Variants in SLC2A13 observed in about 807,000 individuals in gnomAD.
The protein encoded by SLC2A13 is proton myo-inositol cotransporter.
SLC2A13 carries 32 observed loss-of-function variants against 64.4 expected under a neutral mutation model. The observed-to-expected ratio is 0.50, with a 90% CI of 0.37 to 0.67. The LOEUF (loss-of-function observed/expected upper bound fraction) is 0.67. Among genes scored for constraint, SLC2A13 ranks in the 30% least tolerant of loss-of-function variants. SLC2A13 has a pLI of 0.00. For missense variants in SLC2A13, 743 were observed against 829.2 expected (o/e 0.90, Z 1.28); for synonymous variants, 338 against 327.1 (o/e 1.03, Z -0.36).
intron 1 of SLC2A13, among the ~76,000 whole-genome samples, chr12:40,065,014 G>A (rs914368735): frequency 1.3e-4 from 19 of 151,930 alleles, no homozygotes; most frequent in African/African-American, 3.1e-4. Flanking sequence ...TTTCTAATTC[G>A]TTCAGCAAAT....
At chr12:39,874,547 G>A (rs1047900842) in intron 4 of SLC2A13, among the ~76,000 whole-genome samples, 7 of 147,086 alleles carry the variant, frequency 4.8e-5, no homozygotes, top group Non-Finnish European at 8.9e-5. Flanking sequence ...CCTGGGAGGC[G>A]AAGATTGCAG....
chr12:40,074,165 CA>C (rs1428862436), intron 1 of SLC2A13, among the ~76,000 whole-genome samples: 19 of 90,572 alleles, frequency 2.1e-4, no homozygotes, highest in East Asian at 7.3e-4. Flanking sequence ...CCATCAAAGA[CA>C]TTTTTTTTTT....
chr12:40,064,308 C>A (rs146485054), intron 1 of SLC2A13, among the ~76,000 whole-genome samples: 1 of 152,016 alleles, frequency 6.6e-6, no homozygotes, highest in Admixed American at 6.6e-5. Context: ...TGTATACTCA[C>A]GCATACATAC....
chr12:39,999,159 T>C (rs1228502277), intron 3 of SLC2A13, among the ~76,000 whole-genome samples: 5 of 152,216 alleles, frequency 3.3e-5, no homozygotes, highest in African/African-American at 1.2e-4. Flanking sequence ...AGGGCCACTA[T>C]GATAATTGTG....
intron 1 of SLC2A13, among the ~76,000 whole-genome samples, chr12:40,093,166 A>T (rs1938824026): frequency 6.6e-6 from 1 of 152,228 alleles, no homozygotes. Context: ...AAACAATGTT[A>T]GACTTCAAAG....
chr12:39,924,386 T>C (rs117147133), intron 4 of SLC2A13, among the ~76,000 whole-genome samples: 2,874 of 152,290 alleles, frequency 0.019, 32 homozygotes, highest in Non-Finnish European at 0.031. Context: ...GTATCTACTA[T>C]TTATCTGCTG....
intron 7 of SLC2A13, chr12:39,802,131 G>A (rs546001445): frequency 1.2e-4 from 18 of 152,372 alleles, no homozygotes; most frequent in African/African-American, 3.8e-4. Context: ...TTTCATGGGT[G>A]TGTAATCTTT....
intron 2 of SLC2A13, among the ~76,000 whole-genome samples, chr12:40,042,698 G>A (rs1209895310): frequency 1.3e-5 from 2 of 151,964 alleles, no homozygotes; most frequent in South Asian, 2.1e-4. Flanking sequence ...TATGTTCTGC[G>A]CCCTTCCTAG....
At position 39,755,322 on chromosome 12, in the gene SLC2A13, A is replaced by AT; in HGVS notation, c.*4703_*4704insA. On this transcript the variant is annotated 3_prime_UTR_variant, in exon 10 of 10. Transcript: ENST00000280871. ...AATTTGCCAAGACATCTGAAGTATT[A>AT]AATACTATATAACATGCACTCAGAA... 6.6e-6 allele frequency: 1 copy of AT among 152,236 alleles called. No homozygotes were observed. The highest frequency in any genetic ancestry group is 3.4e-3 in the Middle Eastern group (1 of 294). The allele number at this position is 152,236 out of a possible 1,614,324, so 9.4% of individuals were successfully genotyped here.
chr12:40,020,944 A>T (rs1018427929), intron 3 of SLC2A13, among the ~76,000 whole-genome samples: 8 of 151,762 alleles, frequency 5.3e-5, no homozygotes, highest in Non-Finnish European at 1.2e-4. Flanking sequence ...ATTCCATTTA[A>T]TCGTATTAAA....
intron 2 of SLC2A13, among the ~76,000 whole-genome samples, chr12:40,044,445 T>C (rs1404287767): frequency 1.3e-5 from 2 of 152,174 alleles, no homozygotes; most frequent in East Asian, 3.8e-4. Context: ...GATTGTACAA[T>C]TTAAATGGAT....
At chr12:39,880,264 C>T (rs1193264178) in intron 4 of SLC2A13, among the ~76,000 whole-genome samples, 1 of 152,068 alleles carries the variant, frequency 6.6e-6, no homozygotes, top group African/African-American at 2.4e-5. Flanking sequence ...GCAAGAATGG[C>T]CTAATCATCA....
At chr12:39,908,512 A>T (rs1485369139) in intron 4 of SLC2A13, among the ~76,000 whole-genome samples, 1 of 151,900 alleles carries the variant, frequency 6.6e-6, no homozygotes, top group Non-Finnish European at 1.5e-5. Flanking sequence ...CTGGAGCTGA[A>T]GCAATAGATT....
At position 40,105,260 on chromosome 12, in the gene SLC2A13, G is replaced by A. The variant is rs200778835; in HGVS notation, c.549C>T (p.Leu183=). Residue 183 remains leucine (L), a synonymous_variant, in exon 1 of 10, where the codon CTC becomes CTT. Transcript: ENST00000280871. This position sits in a 1 kb window ranked among gnomAD's most constrained non-coding sequence, Gnocchi z 4.2. ...TLLAGRLVVG[L]GIGIASMTVP... is the part of the protein sequence containing the mutation. ...CACGGAGCCCGAACTCACCGATGCC[G>A]AGTCCCACGACCAGGCGGCCGGCGA... The A allele has an allele frequency of 3.4e-4, 548 of 1,592,216 alleles. 6 individuals carry two copies. The East Asian group carries it at 0.01, about 30-fold the overall frequency.
chr12:39,948,981 A>G (rs1477290238), intron 4 of SLC2A13, among the ~76,000 whole-genome samples: 1 of 152,218 alleles, frequency 6.6e-6, no homozygotes, highest in Non-Finnish European at 1.5e-5. Flanking sequence ...TCTTGAGAAT[A>G]ATGGAAAAAG....
At chr12:39,894,078 A>G (rs1210247024) in intron 4 of SLC2A13, among the ~76,000 whole-genome samples, 1 of 152,214 alleles carries the variant, frequency 6.6e-6, no homozygotes, top group Admixed American at 6.5e-5. Context: ...CATTTTAATA[A>G]ATGTTTTTGC....
intron 4 of SLC2A13, among the ~76,000 whole-genome samples, chr12:39,883,736 G>T (rs554640522): frequency 6.6e-6 from 1 of 152,216 alleles, no homozygotes; most frequent in South Asian, 2.1e-4. Context: ...CAACATTTTA[G>T]AGCTTGGTCA....
rs910067325 is a variant in SLC2A13 at position 39,898,481 on chromosome 12, G to C, written c.1035-26520C>G. 2.1e-5 allele frequency among the ~76,000 whole-genome samples: 3 copies of C among 139,974 alleles called. No homozygotes were observed. The Admixed American group carries it at 2.2e-4, about 10-fold the overall frequency. 91.8% of individuals were successfully genotyped at this position (139,974 alleles called of 152,430 possible). A position where few individuals can be genotyped will look rare whatever the true frequency, so the allele number is the denominator to read the frequency against. ...ACATACCATATTCTGCCACTCAGTA[G>C]TTCTATAGTAGCCACGCTTTTCCCC... On this transcript the variant is annotated intron_variant, in intron 4 of 9. Coordinates refer to ENST00000280871, the MANE Select transcript of SLC2A13 (RefSeq NM_052885.4).
rs528459684 is a variant in SLC2A13 at position 39,951,615 on chromosome 12, T to C, written c.926-250A>G. 2.6e-4 allele frequency among the ~76,000 whole-genome samples: 39 copies of C among 152,314 alleles called. No homozygotes were observed. The South Asian group carries it at 4.8e-3, about 19-fold the overall frequency. ...AGATAATTTAAGTTTAAGCAATTTA[T>C]GGGTACTAGAAGACCTATATAACTA... On this transcript the variant is annotated intron_variant, in intron 3 of 9. Coordinates refer to ENST00000280871, the MANE Select transcript of SLC2A13 (RefSeq NM_052885.4).
Sources: gnomAD v4.1 joint callset for allele counts (sites outside exome capture counted in the v4.1 genomes callset) on GRCh38, gnomAD v4.1.1 for gene constraint, Gnocchi (gnomAD v3.1) non-coding constraint, MANE v1.5 for transcripts, NCBI Gene and HGNC (gene_info 2026-07-23, HGNC 2026-07-21) for gene names.